Variants in SEMA5A observed in about 807,000 individuals in gnomAD.
SEMA5A encodes semaphorin-5A.
Under a neutral mutation model 135.5 loss-of-function variants are expected in SEMA5A, and 55 were observed. The observed-to-expected ratio is 0.41, with a 90% confidence interval of 0.33 to 0.51. SEMA5A has a LOEUF of 0.51. SEMA5A is among the 20% of genes least tolerant of loss of function. SEMA5A has a pLI of 0.37. For missense variants in SEMA5A, 1,290 were observed against 1,419.9 expected (o/e 0.91, Z 1.47); for synonymous variants, 580 against 546.5 (o/e 1.06, Z -0.85).
chr5:9,100,678 T>G (rs1739578148), intron 16 of SEMA5A, among the ~76,000 whole-genome samples: 1 of 151,258 alleles, frequency 6.6e-6, no homozygotes, highest in African/African-American at 2.5e-5. Context: ...CAAAATCTAC[T>G]TTAAACAGGG....
At chr5:9,340,870 G>A (rs1753616595) in intron 3 of SEMA5A, among the ~76,000 whole-genome samples, 3 of 152,082 alleles carry the variant, frequency 2.0e-5, no homozygotes, top group African/African-American at 7.2e-5. Flanking sequence ...CTAAAAAGAA[G>A]CCTGCACCAA....
intron 3 of SEMA5A, among the ~76,000 whole-genome samples, chr5:9,360,470 G>A (rs1579411190): frequency 6.6e-6 from 1 of 152,198 alleles, no homozygotes; most frequent in African/African-American, 2.4e-5. Flanking sequence ...TATCTCAATT[G>A]TGTCCCCCAA....
intron 1 of SEMA5A, among the ~76,000 whole-genome samples, chr5:9,539,850 C>A (rs552202458): frequency 6.6e-6 from 1 of 152,164 alleles, no homozygotes; most frequent in Non-Finnish European, 1.5e-5. Context: ...CAAGCACTGA[C>A]TTACTGTGCA....
chr5:9,481,536 A>C (rs1011347212), intron 1 of SEMA5A, among the ~76,000 whole-genome samples: 6 of 152,228 alleles, frequency 3.9e-5, no homozygotes, highest in Admixed American at 3.9e-4. Context: ...ACTGGGACAA[A>C]CCATTAGAAA....
At chr5:9,100,087 T>C (rs1739542910) in intron 16 of SEMA5A, among the ~76,000 whole-genome samples, 1 of 152,240 alleles carries the variant, frequency 6.6e-6, no homozygotes, top group Non-Finnish European at 1.5e-5. Context: ...GAGTGCCATC[T>C]GGCCTAATAA....
At chr5:9,096,753 A>T (rs543769298) in intron 16 of SEMA5A, among the ~76,000 whole-genome samples, 12 of 152,198 alleles carry the variant, frequency 7.9e-5, no homozygotes, top group South Asian at 6.2e-4. Flanking sequence ...TGATAAAAAA[A>T]ATATATATGA....
chr5:9,536,802 T>C (rs1214829579), intron 1 of SEMA5A, among the ~76,000 whole-genome samples: 2 of 152,142 alleles, frequency 1.3e-5, no homozygotes, highest in African/African-American at 4.8e-5. Flanking sequence ...ATGTCTATCT[T>C]TAACTCCTAG....
intron 15 of SEMA5A, 112 bp from the exon 16 acceptor site, chr5:9,108,399 TGGA>T: frequency 1.6e-6 from 2 of 1,245,024 alleles, no homozygotes; most frequent in Non-Finnish European, 2.3e-6. Flanking sequence ...ATGCTCTGCG[TGGA>T]GGAGCTTTTT....
chr5:9,135,632 G>A (rs1329628572), intron 13 of SEMA5A, among the ~76,000 whole-genome samples: 2 of 152,182 alleles, frequency 1.3e-5, no homozygotes, highest in African/African-American at 2.4e-5. Context: ...TTCACACACT[G>A]AATGTGCCAC....
chr5:9,477,893 G>A (rs1759730247), intron 1 of SEMA5A, among the ~76,000 whole-genome samples: 1 of 152,170 alleles, frequency 6.6e-6, no homozygotes, highest in Admixed American at 6.5e-5. Context: ...AAGCAACAAT[G>A]GGGAAAACGT....
intron 4 of SEMA5A, among the ~76,000 whole-genome samples, chr5:9,330,322 G>A (rs1409545937): frequency 9.9e-5 from 15 of 151,602 alleles, no homozygotes; most frequent in African/African-American, 2.4e-4. Context: ...CCCGGGAGGC[G>A]GAGCTTGCAG....
At position 9,042,892 on chromosome 5, in the gene SEMA5A, A is replaced by T; in HGVS notation, c.*5T>A. The T allele has an allele frequency of 1.2e-6, 2 of 1,613,844 alleles. No individual in the cohort carries two copies. The highest frequency in any genetic ancestry group is 1.7e-6 in the Non-Finnish European group (2 of 1,179,906). On this transcript the variant is annotated 3_prime_UTR_variant, in exon 23 of 23. Coordinates refer to ENST00000382496, the MANE Select transcript of SEMA5A (RefSeq NM_003966.3). ...ATTTACAAGAAGCCAAAAACATGAA[A>T]GCTGTTAGTACTCATCATAATTATT...
chr5:9,343,578 C>T (rs1222305037), intron 3 of SEMA5A, among the ~76,000 whole-genome samples: 2 of 152,080 alleles, frequency 1.3e-5, no homozygotes, highest in Non-Finnish European at 2.9e-5. Flanking sequence ...ACCTATTACT[C>T]CTTAAAGTTG....
chr5:9,506,758 A>G (rs1286148619), intron 1 of SEMA5A, among the ~76,000 whole-genome samples: 2 of 152,210 alleles, frequency 1.3e-5, no homozygotes, highest in African/African-American at 2.4e-5. Context: ...CAGCACCTCC[A>G]GTCATCAGGT....
intron 2 of SEMA5A, among the ~76,000 whole-genome samples, chr5:9,380,815 G>C (rs1315790962): frequency 6.6e-6 from 1 of 152,180 alleles, no homozygotes; most frequent in Non-Finnish European, 1.5e-5. Flanking sequence ...GGGAGTCAAG[G>C]GAGAATACGA....
At chr5:9,071,795 T>C (rs750600359) in intron 16 of SEMA5A, among the ~76,000 whole-genome samples, 1 of 152,242 alleles carries the variant, frequency 6.6e-6, no homozygotes, top group Non-Finnish European at 1.5e-5. Flanking sequence ...GGAATACTTA[T>C]GGTTTCCATA....
intron 4 of SEMA5A, among the ~76,000 whole-genome samples, chr5:9,324,608 T>C (rs529505816): frequency 2.0e-5 from 3 of 152,198 alleles, no homozygotes; most frequent in East Asian, 1.9e-4. Flanking sequence ...CATCACAGTT[T>C]AGGTCAATGA....
At chr5:9,295,663 C>G (rs975398695) in intron 5 of SEMA5A, among the ~76,000 whole-genome samples, 2 of 152,078 alleles carry the variant, frequency 1.3e-5, no homozygotes, top group African/African-American at 2.4e-5. Context: ...GCTGCAGATA[C>G]TTGATGCTGA....
In SEMA5A at chr5:9,503,800, A is replaced by G. The variant is rs1445341991; in HGVS notation, c.-175+41784T>C. Among the ~76,000 whole-genome samples the G allele has an allele frequency of 2.0e-5, 3 of 152,346 alleles. No individual in the cohort carries two copies. In the East Asian group the frequency reaches 5.8e-4, roughly 29 times the overall value. The stretch of plus-strand genomic sequence containing the variant: ...AACAAAAATTAATTTTAAGTCATAG[A>G]TTTATTTAAAACCCAAAGATTTGGC... On this transcript the variant is annotated intron_variant, in intron 1 of 22. Transcript: ENST00000382496.
Sources: allele counts gnomAD v4.1 joint callset (sites outside exome capture counted in the v4.1 genomes callset), GRCh38; gene constraint gnomAD v4.1.1; transcripts MANE v1.5; gene names NCBI Gene and HGNC (gene_info 2026-07-23, HGNC 2026-07-21).